The following MTUS2 variants were observed in gnomAD, a reference collection of about 807,000 sequenced individuals.
MTUS2 encodes microtubule associated scaffold protein 2.
A neutral mutation model predicts 114.1 loss-of-function variants in MTUS2; 40 were observed. The observed-to-expected ratio is 0.35, with a 90% confidence interval of 0.27 to 0.46. The LOEUF (loss-of-function observed/expected upper bound fraction) is 0.46. Among genes scored for constraint, MTUS2 ranks in the 20% least tolerant of loss-of-function variants. The pLI is 1.00. For missense variants in MTUS2, 1,679 were observed against 1,705.4 expected (o/e 0.98, Z 0.27); for synonymous variants, 688 against 672.0 (o/e 1.02, Z -0.37).
chr13:28,912,119 G>T (rs1334589836), intron 2 of MTUS2, among the ~76,000 whole-genome samples: 1 of 151,774 alleles, frequency 6.6e-6, no homozygotes, highest in Non-Finnish European at 1.5e-5. Flanking sequence ...TTTCTTCCAG[G>T]TTTTATTTTT....
At chr13:29,498,028 G>A (rs985628228) in intron 13 of MTUS2, among the ~76,000 whole-genome samples, 7 of 152,164 alleles carry the variant, frequency 4.6e-5, no homozygotes, top group African/African-American at 1.7e-4. Flanking sequence ...ATGGGCATAG[G>A]TGGGACCTAT....
At chr13:29,235,481 G>A (rs1173902411) in intron 5 of MTUS2, among the ~76,000 whole-genome samples, 2 of 152,136 alleles carry the variant, frequency 1.3e-5, no homozygotes, top group Non-Finnish European at 2.9e-5. Flanking sequence ...TTCAAAAATA[G>A]TGATGTTAAA....
chr13:29,215,549 A>G (rs546051613), intron 5 of MTUS2, among the ~76,000 whole-genome samples: 40 of 139,216 alleles, frequency 2.9e-4, no homozygotes, highest in African/African-American at 1.0e-3. Context: ...TGACCTTTAG[A>G]TGGGGTTTTG....
chr13:29,397,230 C>T (rs939117872), intron 8 of MTUS2, among the ~76,000 whole-genome samples: 2 of 152,186 alleles, frequency 1.3e-5, no homozygotes, highest in African/African-American at 4.8e-5. Context: ...TAGATTCTGT[C>T]TTAACCCAGA....
intron 9 of MTUS2, among the ~76,000 whole-genome samples, chr13:29,454,072 G>A (rs1489466622): frequency 6.6e-6 from 1 of 152,160 alleles, no homozygotes; most frequent in African/African-American, 2.4e-5. Flanking sequence ...TTTTTGATAA[G>A]AATTGCACTT....
intron 11 of MTUS2, among the ~76,000 whole-genome samples, chr13:29,491,470 G>T (rs1882075486): frequency 6.9e-6 from 1 of 144,382 alleles, no homozygotes; most frequent in East Asian, 2.1e-4. Flanking sequence ...GGTTTGTATG[G>T]TATGTATGTG....
intron 8 of MTUS2, among the ~76,000 whole-genome samples, chr13:29,437,531 A>G (rs1001695918): frequency 2.6e-5 from 4 of 152,344 alleles, no homozygotes; most frequent in Non-Finnish European, 4.4e-5. Flanking sequence ...TGCTGTTAGA[A>G]TGAGTATGTA....
chr13:29,472,158 G>A (rs768809274), intron 9 of MTUS2, among the ~76,000 whole-genome samples: 17 of 152,128 alleles, frequency 1.1e-4, no homozygotes, highest in Non-Finnish European at 2.1e-4. Context: ...CCAAGTATCT[G>A]GGATTACAGG....
At position 29,389,537 on chromosome 13, in the gene MTUS2, G is replaced by GTGTA. The variant is rs1873049297; in HGVS notation, c.3117+30067_3117+30068insATGT. Among the ~76,000 whole-genome samples the GTGTA allele has an allele frequency of 3.1e-4, 2 of 6,448 alleles. 1 individual carries two copies. The highest frequency in any genetic ancestry group is 3.9e-3 in the Non-Finnish European group (2 of 514). 4.2% of individuals were successfully genotyped at this position (6,448 alleles called of 152,430 possible). On this transcript the variant is annotated intron_variant, in intron 8 of 15. Transcript: ENST00000612955. ...TGTGTATGTGTATATATGTATACAC[G>GTGTA]TGTGTATATGTATACACGTGTGTAT... is the stretch of plus-strand genomic sequence containing the variant.
intron 5 of MTUS2, among the ~76,000 whole-genome samples, chr13:29,219,270 A>C (rs1187650584): frequency 6.7e-6 from 1 of 148,504 alleles, no homozygotes; most frequent in Non-Finnish European, 1.5e-5. Flanking sequence ...ATGATTTCCA[A>C]TTTCATCCAT....
At chr13:28,872,291 A>T (rs1877664419) in intron 2 of MTUS2, among the ~76,000 whole-genome samples, 1 of 151,972 alleles carries the variant, frequency 6.6e-6, no homozygotes, top group Non-Finnish European at 1.5e-5. Flanking sequence ...GGAATTGAAC[A>T]GCACTCCTAG....
intron 2 of MTUS2, among the ~76,000 whole-genome samples, chr13:28,907,754 A>G (rs2137993649): frequency 6.6e-6 from 1 of 151,786 alleles, no homozygotes; most frequent in African/African-American, 2.4e-5. Flanking sequence ...TTCATAACGC[A>G]AGTACTGAGT....
intron 15 of MTUS2, among the ~76,000 whole-genome samples, chr13:29,501,566 T>A (rs1248601812): frequency 5.9e-5 from 9 of 152,204 alleles, no homozygotes; most frequent in Admixed American, 5.2e-4. Context: ...ACAATTTCCA[T>A]CCAGGTCTCG....
intron 9 of MTUS2, among the ~76,000 whole-genome samples, chr13:29,475,143 G>A (rs1050771986): frequency 4.6e-5 from 7 of 152,134 alleles, no homozygotes; most frequent in Non-Finnish European, 8.8e-5. Context: ...GTCAACAACA[G>A]ACCTCATGTA....
chr13:29,125,139 A>G (rs968759500), intron 5 of MTUS2, among the ~76,000 whole-genome samples: 1 of 152,242 alleles, frequency 6.6e-6, no homozygotes, highest in Non-Finnish European at 1.5e-5. Context: ...AATGTCAGCC[A>G]ATTATTTAGT....
At chr13:28,992,929 T>A (rs1208343205) in intron 2 of MTUS2, among the ~76,000 whole-genome samples, 1 of 152,158 alleles carries the variant, frequency 6.6e-6, no homozygotes, top group Non-Finnish European at 1.5e-5. Flanking sequence ...TTACTTTCAG[T>A]GAATTTGGTG....
At chr13:29,162,794 A>T (rs910530798) in intron 5 of MTUS2, among the ~76,000 whole-genome samples, 1 of 152,196 alleles carries the variant, frequency 6.6e-6, no homozygotes, top group African/African-American at 2.4e-5. Context: ...TCGCTTTCTG[A>T]TGGACTGCTG....
At chr13:29,332,568 T>C (rs2089327639) in intron 7 of MTUS2, among the ~76,000 whole-genome samples, 1 of 152,010 alleles carries the variant, frequency 6.6e-6, no homozygotes, top group African/African-American at 2.4e-5. Flanking sequence ...TCAGTTCTGC[T>C]CTGATCTTAG....
intron 8 of MTUS2, among the ~76,000 whole-genome samples, chr13:29,383,954 T>C (rs540109271): frequency 5.8e-4 from 89 of 152,332 alleles, no homozygotes; most frequent in Admixed American, 5.4e-3. Context: ...ATAAAGTAGT[T>C]CAGGGACAGC....
Sources: gnomAD v4.1 joint callset for allele counts (sites outside exome capture counted in the v4.1 genomes callset) on GRCh38, gnomAD v4.1.1 for gene constraint, MANE v1.5 for transcripts, NCBI Gene and HGNC (gene_info 2026-07-23, HGNC 2026-07-21) for gene names.